Variants in BIRC6 observed in about 807,000 individuals in gnomAD.
BIRC6 encodes dual E2 ubiquitin-conjugating enzyme/E3 ubiquitin-protein ligase BIRC6.
In BIRC6, 98 loss-of-function variants were observed where a neutral mutation model predicts 503.3. The ratio of observed to expected loss-of-function variants is 0.19; its 90% CI spans 0.17 to 0.23. BIRC6 has a LOEUF of 0.23. Among genes scored for constraint, BIRC6 ranks in the 10% least tolerant of loss-of-function variants. The probability of loss-of-function intolerance (pLI) is 1.00; values close to 1 mark genes in which losing one functional copy is unlikely to be tolerated. For synonymous variants in BIRC6, 2,240 were observed against 2,078.7 expected (o/e 1.08, Z -2.11); for missense variants, 5,360 against 5,806.0 (o/e 0.92, Z 2.50).
chr2:32,391,293 A>G (rs1034252441), intron 4 of BIRC6, among the ~76,000 whole-genome samples: 8 of 152,212 alleles, frequency 5.3e-5, no homozygotes, highest in Non-Finnish European at 1.2e-4. Context: ...ATTAAAAATC[A>G]ATCTAGGAGC....
At chr2:32,601,097 G>A (rs984461685) in intron 70 of BIRC6, among the ~76,000 whole-genome samples, 3 of 152,212 alleles carry the variant, frequency 2.0e-5, no homozygotes, top group Non-Finnish European at 2.9e-5. Flanking sequence ...TGTGGCCTGC[G>A]GGTTGCACAA....
At chr2:32,560,879 T>TA (rs2059125447) in intron 65 of BIRC6, among the ~76,000 whole-genome samples, 2 of 151,988 alleles carry the variant, frequency 1.3e-5, no homozygotes, top group South Asian at 2.1e-4. Flanking sequence ...TTTTTTTTTT[T>TA]ATGCAACATC....
At chr2:32,600,183 T>C (rs2061957396) in intron 70 of BIRC6, among the ~76,000 whole-genome samples, 1 of 152,232 alleles carries the variant, frequency 6.6e-6, no homozygotes, top group Non-Finnish European at 1.5e-5. Flanking sequence ...AGGTGTACCT[T>C]ATATTCAAGT....
chr2:32,512,535 A>C (rs902074943), intron 53 of BIRC6, among the ~76,000 whole-genome samples: 2 of 152,208 alleles, frequency 1.3e-5, no homozygotes, highest in Admixed American at 6.5e-5. Flanking sequence ...TACTTAAAAA[A>C]AATATGTAAG....
At chr2:32,595,265 C>A (rs1317288108) in intron 68 of BIRC6, 121 bp downstream of exon 68, 2 of 595,896 alleles carry the variant, frequency 3.4e-6, no homozygotes, top group Non-Finnish European at 2.9e-6. Context: ...AATTTTACTT[C>A]ATACATATCA....
At chr2:32,571,218 T>C (rs2059892401) in intron 65 of BIRC6, among the ~76,000 whole-genome samples, 2 of 152,052 alleles carry the variant, frequency 1.3e-5, no homozygotes, top group Admixed American at 1.3e-4. Flanking sequence ...CTGCTTTTAT[T>C]ATATCTTTGC....
chr2:32,599,952 T>A, intron 70 of BIRC6, 52 bp downstream of exon 70: 1 of 1,536,272 alleles, frequency 6.5e-7, no homozygotes, highest in Non-Finnish European at 8.8e-7. Flanking sequence ...TATACAAAGG[T>A]TCTTTGTAAT....
At position 32,582,154 on chromosome 2, in the gene BIRC6, C is replaced by T. The variant is rs186336952; in HGVS notation, c.13355+6788C>T. Among the ~76,000 whole-genome samples, 832 of 152,232 alleles carry T rather than the reference C, an allele frequency of 5.5e-3. 11 individuals are homozygous for T. Among genetic ancestry groups the T allele is most frequent in the African/African-American group, 0.019 (779 of 41,558 alleles). On this transcript the variant is annotated intron_variant, in intron 66 of 73. Coordinates refer to ENST00000421745, the MANE Select transcript of BIRC6 (RefSeq NM_016252.4). ...GATTACAGGTGTGAGCCACCGCGCC[C>T]GGCCTGATCTATAATTTAGATGTAA... is the stretch of plus-strand genomic sequence containing the variant.
chr2:32,501,553 A>G (rs1378724601), intron 46 of BIRC6, among the ~76,000 whole-genome samples, 160 bp from the exon 47 acceptor site: 1 of 151,966 alleles, frequency 6.6e-6, no homozygotes, highest in Non-Finnish European at 1.5e-5. Flanking sequence ...CTATATTTTA[A>G]TTATTATTTG....
At position 32,545,752 on chromosome 2, in the gene BIRC6, A is replaced by G. The variant is rs761575910; in HGVS notation, c.12702A>G (p.Leu4234=). The G allele has an allele frequency of 6.2e-7, 1 of 1,613,860 alleles. No individual in the cohort carries two copies. The highest frequency in any genetic ancestry group is 2.2e-5 in the East Asian group (1 of 44,874). ...TGACAACTGATGATGGTGTACTTCT[A>G]AGGCGGATGGCATTGGAAATTGGAG... ...TPLTTDDGVL[L]RRMALEIGAL... is the part of the protein sequence containing the mutation. The change falls in exon 63 of 74, where the codon CTA becomes CTG. Residue 4234 remains leucine (L), a synonymous_variant. Coordinates refer to ENST00000421745, the MANE Select transcript of BIRC6 (RefSeq NM_016252.4).
At chr2:32,616,355 C>T (rs1056884354) in intron 73 of BIRC6, among the ~76,000 whole-genome samples, 10 of 151,152 alleles carry the variant, frequency 6.6e-5, no homozygotes, top group African/African-American at 1.7e-4. Flanking sequence ...ATTAGGAGTT[C>T]GAGACCAGCC....
chr2:32,401,030 G>A (rs2040548931), intron 6 of BIRC6, 133 bp from the exon 7 acceptor site: 1 of 710,614 alleles, frequency 1.4e-6, no homozygotes, highest in African/African-American at 1.8e-5. Context: ...GAATGATTTG[G>A]TTATATTAAG....
intron 65 of BIRC6, among the ~76,000 whole-genome samples, chr2:32,567,185 G>A (rs1463205276): frequency 6.6e-6 from 1 of 152,040 alleles, no homozygotes; most frequent in Non-Finnish European, 1.5e-5. Context: ...GGCTAGGCTG[G>A]TCTTGAACTC....
chr2:32,540,345 G>GT (rs1385906941), intron 61 of BIRC6, among the ~76,000 whole-genome samples: 1 of 151,990 alleles, frequency 6.6e-6, no homozygotes, highest in Admixed American at 6.6e-5. Context: ...TTGGAATATC[G>GT]TAATTCCTAA....
At chr2:32,448,671 A>G (rs1026381080) in intron 21 of BIRC6, 124 bp from the exon 22 acceptor site, 26 of 692,752 alleles carry the variant, frequency 3.8e-5, no homozygotes, top group Non-Finnish European at 4.9e-5. Context: ...GAGAGGGGAG[A>G]GGGGAGAGGG....
At chr2:32,588,232 G>A (rs1377218090) in intron 66 of BIRC6, among the ~76,000 whole-genome samples, 1 of 152,120 alleles carries the variant, frequency 6.6e-6, no homozygotes. Context: ...GTAGGTGCCT[G>A]TAATCTCAGC....
intron 14 of BIRC6, 76 bp from the exon 15 acceptor site, chr2:32,435,976 TG>T (rs752380620): frequency 8.1e-5 from 69 of 856,608 alleles, no homozygotes; most frequent in Non-Finnish European, 1.1e-4. Context: ...TATATGTAAA[TG>T]GGATGATATT....
At chr2:32,455,096 G>A (rs2047095095) in intron 23 of BIRC6, among the ~76,000 whole-genome samples, 1 of 151,930 alleles carries the variant, frequency 6.6e-6, no homozygotes, top group African/African-American at 2.4e-5. Flanking sequence ...TAATTATCCT[G>A]GGCCTGGCGC....
intron 54 of BIRC6, 72 bp downstream of exon 54, chr2:32,513,226 A>G (rs983204707): frequency 5.6e-6 from 6 of 1,068,694 alleles, no homozygotes; most frequent in Admixed American, 2.3e-5. Flanking sequence ...ATAAAACAAA[A>G]TATTTTACAT....
Sources: allele counts gnomAD v4.1 joint callset (sites outside exome capture counted in the v4.1 genomes callset), GRCh38; gene constraint gnomAD v4.1.1; transcripts MANE v1.5; gene names NCBI Gene and HGNC (gene_info 2026-07-23, HGNC 2026-07-21).